The following RAP1GDS1 variants were observed in gnomAD, a reference collection of about 807,000 sequenced individuals.
The protein encoded by RAP1GDS1 is Rap1 GTPase-GDP dissociation stimulator 1, also known as RAP1, GTP-GDP dissociation stimulator 1.
RAP1GDS1 carries 35 observed loss-of-function variants against 71.1 expected under a neutral mutation model. That is an observed-to-expected ratio of 0.49 (90% CI 0.38 to 0.65). The LOEUF (loss-of-function observed/expected upper bound fraction) is 0.65, where lower values mean the gene tolerates loss of function less well. Ranked by LOEUF, RAP1GDS1 falls within the 30% of genes least tolerant of loss-of-function variation. RAP1GDS1 has a pLI of 0.00. For missense variants in RAP1GDS1, 663 were observed against 706.1 expected (o/e 0.94, Z 0.69); for synonymous variants, 229 against 243.1 (o/e 0.94, Z 0.54).
intron 4 of RAP1GDS1, among the ~76,000 whole-genome samples, chr4:98,363,489 A>AG (rs1739057562): frequency 6.7e-6 from 1 of 150,206 alleles, no homozygotes; most frequent in African/African-American, 2.4e-5. Flanking sequence ...AAAAAAAAAA[A>AG]AAAAAAAAAA....
intron 2 of RAP1GDS1, among the ~76,000 whole-genome samples, chr4:98,302,555 G>C (rs1450913013): frequency 1.3e-5 from 2 of 152,142 alleles, no homozygotes; most frequent in African/African-American, 4.8e-5. Context: ...AACAGAGATA[G>C]TATTTAAAAG....
Position 98,299,095 on chromosome 4 carries a change from C to T in RAP1GDS1, c.112+5580C>T, listed in dbSNP as rs1310334882. The stretch of plus-strand genomic sequence containing the variant: ...ACGACAGGCCCTGGTGTGTGATGTT[C>T]CCCCCGCTGTGTCCAAGTGTTCTCA... On this transcript the variant is annotated intron_variant, in intron 2 of 14. Transcript: ENST00000408927. Among the ~76,000 whole-genome samples the T allele has an allele frequency of 3.9e-5, 6 of 152,188 alleles. No homozygotes were observed. In the East Asian group the frequency reaches 1.2e-3, roughly 29 times the overall value.
intron 2 of RAP1GDS1, among the ~76,000 whole-genome samples, chr4:98,299,487 T>C (rs902224237): frequency 1.3e-5 from 2 of 152,168 alleles, no homozygotes; most frequent in African/African-American, 4.8e-5. Context: ...ATGAAGTAAC[T>C]GTAGATGTGG....
chr4:98,363,225 C>T (rs1739002921), intron 4 of RAP1GDS1, among the ~76,000 whole-genome samples: 1 of 151,890 alleles, frequency 6.6e-6, no homozygotes, highest in Non-Finnish European at 1.5e-5. Context: ...TGGTGGCTCA[C>T]ATCTGTAATC....
chr4:98,342,428 A>G (rs1181291311), intron 2 of RAP1GDS1, among the ~76,000 whole-genome samples: 1 of 152,138 alleles, frequency 6.6e-6, no homozygotes, highest in Non-Finnish European at 1.5e-5. Context: ...TATTTTTAAC[A>G]TATTTTAATA....
intron 7 of RAP1GDS1, chr4:98,409,721 G>C (rs1312815070): frequency 4.3e-6 from 2 of 469,562 alleles, no homozygotes; most frequent in Non-Finnish European, 8.7e-6. Context: ...AACGGAAGGG[G>C]CCTGAGCTGC....
At chr4:98,391,214 G>A (rs1449685248) in intron 5 of RAP1GDS1, among the ~76,000 whole-genome samples, 1 of 152,042 alleles carries the variant, frequency 6.6e-6, no homozygotes, top group African/African-American at 2.4e-5. Flanking sequence ...GGCATGTTTA[G>A]TACTTCAAAA....
At chr4:98,340,334 A>G (rs1365500151) in intron 2 of RAP1GDS1, among the ~76,000 whole-genome samples, 3 of 152,230 alleles carry the variant, frequency 2.0e-5, no homozygotes, top group Non-Finnish European at 4.4e-5. Flanking sequence ...CTACATAGTC[A>G]TAAAATGAGT....
intron 2 of RAP1GDS1, among the ~76,000 whole-genome samples, chr4:98,328,893 C>T (rs964118051): frequency 1.8e-4 from 27 of 152,308 alleles, no homozygotes; most frequent in African/African-American, 5.8e-4. Flanking sequence ...TTTGATCACA[C>T]GGTATTCCCA....
intron 1 of RAP1GDS1, among the ~76,000 whole-genome samples, chr4:98,288,942 A>C (rs1000217768): frequency 2.0e-5 from 3 of 152,180 alleles, no homozygotes; most frequent in Non-Finnish European, 4.4e-5. Flanking sequence ...AATGGGGAAT[A>C]ACTGGAGAAT....
At chr4:98,394,323 A>G (rs1188040414) in intron 6 of RAP1GDS1, among the ~76,000 whole-genome samples, 1 of 152,166 alleles carries the variant, frequency 6.6e-6, no homozygotes, top group African/African-American at 2.4e-5. Flanking sequence ...TTCTCAAATG[A>G]GAGTCAAGGA....
intron 4 of RAP1GDS1, among the ~76,000 whole-genome samples, chr4:98,361,583 A>G (rs1178831289): frequency 6.6e-6 from 1 of 152,166 alleles, no homozygotes; most frequent in African/African-American, 2.4e-5. Flanking sequence ...ATTATTGAAC[A>G]ATTTTAACTA....
At chr4:98,380,027 T>C (rs535575253) in intron 5 of RAP1GDS1, among the ~76,000 whole-genome samples, 1 of 151,836 alleles carries the variant, frequency 6.6e-6, no homozygotes, top group Non-Finnish European at 1.5e-5. Flanking sequence ...TGGCATACTT[T>C]TTATTTTTTT....
chr4:98,351,952 G>C (rs1189008224), intron 3 of RAP1GDS1, among the ~76,000 whole-genome samples: 1 of 151,146 alleles, frequency 6.6e-6, no homozygotes, highest in Non-Finnish European at 1.5e-5. Flanking sequence ...CAATCAAAAA[G>C]GACATATTAT....
At chr4:98,371,704 C>T (rs375335612) in intron 4 of RAP1GDS1, among the ~76,000 whole-genome samples, 7 of 151,860 alleles carry the variant, frequency 4.6e-5, no homozygotes, top group Non-Finnish European at 1.0e-4. Flanking sequence ...CTCAAACTCC[C>T]GCCTTGGCTT....
At chr4:98,358,048 A>G (rs887153358) in intron 4 of RAP1GDS1, among the ~76,000 whole-genome samples, 1 of 152,068 alleles carries the variant, frequency 6.6e-6, no homozygotes, top group Non-Finnish European at 1.5e-5. Flanking sequence ...ACTGTGTATA[A>G]GCACTGATTT....
intron 2 of RAP1GDS1, among the ~76,000 whole-genome samples, chr4:98,336,294 T>G (rs1029022822): frequency 1.3e-5 from 2 of 152,180 alleles, no homozygotes; most frequent in African/African-American, 4.8e-5. Flanking sequence ...TAAATATATC[T>G]TATTTTTTAA....
intron 2 of RAP1GDS1, among the ~76,000 whole-genome samples, chr4:98,303,756 A>G (rs1457758088): frequency 6.6e-6 from 1 of 152,046 alleles, no homozygotes; most frequent in Non-Finnish European, 1.5e-5. Flanking sequence ...TTTGTTACAT[A>G]GGTGAATGTG....
At chr4:98,316,900 C>G (rs1247320216) in intron 2 of RAP1GDS1, among the ~76,000 whole-genome samples, 1 of 152,052 alleles carries the variant, frequency 6.6e-6, no homozygotes, top group Non-Finnish European at 1.5e-5. Flanking sequence ...GTGTTCAAAA[C>G]TAGGTCTGAG....
Sources: gnomAD v4.1 joint callset for allele counts (sites outside exome capture counted in the v4.1 genomes callset) on GRCh38, gnomAD v4.1.1 for gene constraint, MANE v1.5 for transcripts, NCBI Gene and HGNC (gene_info 2026-07-23, HGNC 2026-07-21) for gene names.